NKAIN3: variants seen among roughly 807,000 people sequenced by gnomAD.
NKAIN3 encodes the protein sodium/potassium-transporting ATPase subunit beta-1-interacting protein 3.
NKAIN3 carries 25 observed loss-of-function variants against 30.2 expected under a neutral mutation model. The observed-to-expected ratio is 0.83, with a 90% confidence interval of 0.60 to 1.16. NKAIN3 has a LOEUF of 1.16. NKAIN3 is among the 50% of genes most tolerant of loss of function. NKAIN3 has a pLI of 0.00. For synonymous variants in NKAIN3, 91 were observed against 89.6 expected (o/e 1.02, Z -0.09); for missense variants, 225 against 254.1 (o/e 0.89, Z 0.78).
rs199746618 is a variant in NKAIN3 at position 62,808,971 on chromosome 8, A to C, written c.471+61842A>C. Among the ~76,000 whole-genome samples the C allele has an allele frequency of 3.3e-5, 5 of 152,268 alleles. No individual in the cohort carries two copies. In the East Asian group the frequency reaches 9.7e-4, roughly 29 times the overall value. On this transcript the variant is annotated intron_variant, in intron 4 of 6. Transcript: ENST00000623646. ...CATCCCTTATCTGCAACTGTATAAG[A>C]CGGACAGTCCCAGAGTGGCCATTTT...
intron 1 of NKAIN3, among the ~76,000 whole-genome samples, chr8:62,532,367 A>G (rs1257254908): frequency 6.6e-6 from 1 of 151,596 alleles, no homozygotes; most frequent in Non-Finnish European, 1.5e-5. Context: ...AAAGCTTCGC[A>G]CCTTCATGAT....
intron 1 of NKAIN3, among the ~76,000 whole-genome samples, chr8:62,303,023 A>G (rs1389088879): frequency 6.7e-6 from 1 of 150,336 alleles, no homozygotes; most frequent in African/African-American, 2.5e-5. Flanking sequence ...GGATGAGTAT[A>G]TAAGGAGAAG....
At chr8:62,992,664 T>C (rs1463366291) in intron 5 of NKAIN3, among the ~76,000 whole-genome samples, 1 of 151,932 alleles carries the variant, frequency 6.6e-6, no homozygotes. Flanking sequence ...CATATAGCCA[T>C]GATTCACTCT....
At chr8:62,636,795 A>T (rs1812144125) in intron 3 of NKAIN3, among the ~76,000 whole-genome samples, 1 of 152,230 alleles carries the variant, frequency 6.6e-6, no homozygotes. Flanking sequence ...AAAACTTAGA[A>T]ATCCCAATTA....
chr8:62,666,928 C>G (rs1424816088), intron 3 of NKAIN3, among the ~76,000 whole-genome samples: 1 of 152,078 alleles, frequency 6.6e-6, no homozygotes, highest in African/African-American at 2.4e-5. Flanking sequence ...CAATTACAAC[C>G]TAAATTCCCT....
chr8:62,802,852 G>T (rs144741738), intron 4 of NKAIN3, among the ~76,000 whole-genome samples: 12,444 of 152,196 alleles, frequency 0.082, 526 homozygotes, highest in Middle Eastern at 0.099. Context: ...CCATCAGTGT[G>T]CTGTATTCAG....
At chr8:62,553,614 G>A (rs1809292037) in intron 1 of NKAIN3, among the ~76,000 whole-genome samples, 1 of 149,680 alleles carries the variant, frequency 6.7e-6, no homozygotes, top group Non-Finnish European at 1.5e-5. Flanking sequence ...TCGGCTCACT[G>A]CCACCTCTGC....
At chr8:62,301,968 T>C (rs1303149695) in intron 1 of NKAIN3, among the ~76,000 whole-genome samples, 2 of 152,086 alleles carry the variant, frequency 1.3e-5, no homozygotes, top group African/African-American at 4.8e-5. Context: ...TGGAAATTCT[T>C]GGTTTTCAGC....
rs866238521 is a variant in NKAIN3, at chr8:62,741,389, A to C, written c.274-5543A>C. ...AAGGAAGGAAGGAAGGAAGGAAGGA[A>C]GGAAGGAAGGAAGGAAGGAAGGAAG... On this transcript the variant is annotated intron_variant, in intron 3 of 6. Coordinates refer to ENST00000623646, the MANE Select transcript of NKAIN3 (RefSeq NM_001304533.3). 3.5e-4 allele frequency among the ~76,000 whole-genome samples: 52 copies of C among 147,902 alleles called. No individual in the cohort carries two copies. In the South Asian group the frequency reaches 8.7e-3, roughly 25 times the overall value.
intron 1 of NKAIN3, among the ~76,000 whole-genome samples, chr8:62,340,888 A>G (rs142278735): frequency 6.3e-4 from 93 of 148,324 alleles, no homozygotes; most frequent in African/African-American, 2.1e-3. Context: ...AAGTTTGGTC[A>G]AGGAAAGCGT....
intron 4 of NKAIN3, among the ~76,000 whole-genome samples, chr8:62,868,699 G>A (rs973318564): frequency 1.2e-4 from 18 of 152,180 alleles, no homozygotes; most frequent in Admixed American, 8.5e-4. Context: ...GAAAAACTTA[G>A]TGAGGGAAAA....
intron 1 of NKAIN3, among the ~76,000 whole-genome samples, chr8:62,270,508 T>C (rs1361009268): frequency 6.6e-6 from 1 of 152,172 alleles, no homozygotes. Flanking sequence ...ATGAGAACTA[T>C]GTGGAATAAT....
At chr8:62,902,981 T>A (rs1232083470) in intron 4 of NKAIN3, among the ~76,000 whole-genome samples, 3 of 152,222 alleles carry the variant, frequency 2.0e-5, no homozygotes. Context: ...GCTGAGCTGG[T>A]GTGTGCAGAG....
chr8:62,409,976 GT>G (rs1308273804), intron 1 of NKAIN3, among the ~76,000 whole-genome samples: 5 of 151,976 alleles, frequency 3.3e-5, no homozygotes, highest in African/African-American at 1.2e-4. Flanking sequence ...TGTTTAATGA[GT>G]TTTTATTTTT....
chr8:62,790,697 A>G (rs1817680044), intron 4 of NKAIN3, among the ~76,000 whole-genome samples: 2 of 145,336 alleles, frequency 1.4e-5, no homozygotes, highest in Non-Finnish European at 3.0e-5. Flanking sequence ...CACTGGGGAT[A>G]CACAGAAAAC....
At chr8:62,697,240 C>T (rs1586100589) in intron 3 of NKAIN3, among the ~76,000 whole-genome samples, 1 of 152,166 alleles carries the variant, frequency 6.6e-6, no homozygotes, top group Non-Finnish European at 1.5e-5. Context: ...TCTTCCCCAC[C>T]TCCCCACTAC....
chr8:62,306,031 A>T lies in NKAIN3; in HGVS notation c.54+56904A>T, dbSNP rs1172024939. 3.3e-5 allele frequency among the ~76,000 whole-genome samples: 5 copies of T among 150,252 alleles called. 1 individual carries two copies. The highest frequency in any genetic ancestry group is 1.3e-4 in the African/African-American group (5 of 39,702). On this transcript the variant is annotated intron_variant, in intron 1 of 6. Coordinates refer to ENST00000623646, the MANE Select transcript of NKAIN3 (RefSeq NM_001304533.3). ...TGTATTCCATTTTCTTGAACTATTA[A>T]TGTTTCTCTAGGAATTTTTGTCTAT...
chr8:62,859,482 A>G (rs1374003881), intron 4 of NKAIN3, among the ~76,000 whole-genome samples: 3 of 137,168 alleles, frequency 2.2e-5, no homozygotes, highest in Non-Finnish European at 4.7e-5. Flanking sequence ...TAACCCAGAT[A>G]ACTTTTTCTA....
chr8:62,734,385 T>C (rs1249056928), intron 3 of NKAIN3, among the ~76,000 whole-genome samples: 2 of 152,224 alleles, frequency 1.3e-5, no homozygotes, highest in Non-Finnish European at 2.9e-5. Flanking sequence ...CTGTTTTTCA[T>C]ATAATTTTTT....
Sources: allele counts gnomAD v4.1 joint callset (sites outside exome capture counted in the v4.1 genomes callset), GRCh38; gene constraint gnomAD v4.1.1; transcripts MANE v1.5; gene names NCBI Gene and HGNC (gene_info 2026-07-23, HGNC 2026-07-21).